Variants in TWF2 observed in about 807,000 individuals in gnomAD.
TWF2 encodes twinfilin actin binding protein 2, also known as twinfilin-2.
In TWF2, 15 loss-of-function variants were observed where a neutral mutation model predicts 45.1. The ratio of observed to expected loss-of-function variants is 0.33; its 90% CI spans 0.22 to 0.51. TWF2 has a LOEUF of 0.51. Ranked by LOEUF, TWF2 falls within the 20% of genes least tolerant of loss-of-function variation. TWF2 has a pLI of 0.97. For synonymous variants in TWF2, 177 were observed against 195.8 expected (o/e 0.90, Z 0.80); for missense variants, 423 against 469.1 (o/e 0.90, Z 0.91).
intron 2 of TWF2, among the ~76,000 whole-genome samples, chr3:52,232,382 G>A (rs907755553): frequency 4.6e-5 from 7 of 151,726 alleles, no homozygotes; most frequent in East Asian, 1.9e-4. Flanking sequence ...ACACACGTGC[G>A]CAGATCACCA....
rs748149583 is a variant in TWF2 at position 52,230,971 on chromosome 3, T to C, written c.508A>G (p.Ser170Gly). Residue 170 changes from serine (S) to glycine (G), a missense_variant, in exon 6 of 9, where the codon AGC (serine) becomes GGC (glycine). Ser to Gly is a moderately conservative substitution (Grantham distance 56). Coordinates refer to ENST00000305533, the MANE Select transcript of TWF2 (RefSeq NM_007284.4). ...NEVKTEISVE[S>G]KHQTLQGLAF... ...AGGCCCTGCAGGGTCTGGTGCTTGC[T>C]TTCCACACTGATCTCTGTCTTCACC... is the stretch of plus-strand genomic sequence containing the variant. 17 of 1,604,594 alleles carry C rather than the reference T, an allele frequency of 1.1e-5. No homozygotes were observed. The highest frequency in any genetic ancestry group is 1.4e-5 in the Non-Finnish European group (16 of 1,175,712).
At chr3:52,230,796 G>A (rs968528038) in intron 6 of TWF2, 74 bp downstream of exon 6, 93 of 1,542,064 alleles carry the variant, frequency 6.0e-5, no homozygotes, top group Middle Eastern at 1.8e-4. Flanking sequence ...GGGACTCCAT[G>A]TACATCTGCA....
chr3:52,230,921 G>A lies in TWF2; in HGVS notation c.558C>T (p.Ala186=), dbSNP rs1373446738. ...QGLAFPLQPE[A]QRALQQLKQK... ...GCTTGAGCTGCTGGAGTGCCCGCTG[G>A]GCCTCAGGCTGCAGGGGGAAGGCGA... Residue 186 remains alanine, a synonymous_variant, in exon 6 of 9, where the codon GCC becomes GCT. Transcript: ENST00000305533. 2 of 1,608,262 alleles carry A rather than the reference G, an allele frequency of 1.2e-6. No individual in the cohort carries two copies. Among genetic ancestry groups the A allele is most frequent in the South Asian group, 2.2e-5 (2 of 90,366 alleles).
chr3:52,232,523 C>T (rs966619930), intron 2 of TWF2, among the ~76,000 whole-genome samples: 1 of 152,134 alleles, frequency 6.6e-6, no homozygotes, highest in Admixed American at 6.5e-5. Flanking sequence ...GCCTCCTGCT[C>T]GCCTCCTCCC....
In TWF2 at chr3:52,229,029, G is replaced by A; in HGVS notation, c.*5C>T. 1 of 1,610,650 alleles carries A rather than the reference G, an allele frequency of 6.2e-7. No homozygotes were observed. Among genetic ancestry groups the A allele is most frequent in the Admixed American group, 1.7e-5 (1 of 59,928 alleles). On this transcript the variant is annotated 3_prime_UTR_variant, in exon 9 of 9. Coordinates refer to ENST00000305533, the MANE Select transcript of TWF2 (RefSeq NM_007284.4). Reference sequence around the variant, plus strand: ...TCCACACGTGGCCGGCCCTGCTCCAGCCTCCTAGCTGTCATCCCCATTTTC... The same window carrying A: ...TCCACACGTGGCCGGCCCTGCTCCAACCTCCTAGCTGTCATCCCCATTTTC...
intron 3 of TWF2, 149 bp from the exon 4 acceptor site, chr3:52,231,688 C>G: frequency 9.7e-7 from 1 of 1,026,226 alleles, no homozygotes; most frequent in Non-Finnish European, 1.4e-6. Flanking sequence ...GCAGGTGGCC[C>G]CCACCAGCAG....
intron 2 of TWF2, 123 bp downstream of exon 2, chr3:52,234,906 C>T (rs2107304268): frequency 5.5e-6 from 6 of 1,091,308 alleles, no homozygotes; most frequent in South Asian, 2.8e-5. Flanking sequence ...TGGCCTCACA[C>T]CCATTTCCAG....
chr3:52,236,552 T>C (rs567195175), intron 1 of TWF2, among the ~76,000 whole-genome samples: 41 of 152,264 alleles, frequency 2.7e-4, no homozygotes, highest in African/African-American at 9.1e-4. Flanking sequence ...GTCAGGGGAA[T>C]TCCGTCAGGA....
intron 6 of TWF2, among the ~76,000 whole-genome samples, chr3:52,230,377 A>C (rs1179717852): frequency 6.6e-6 from 1 of 152,232 alleles, no homozygotes; most frequent in African/African-American, 2.4e-5. Context: ...AGATACTGCC[A>C]CTGGGCCAGC....
At chr3:52,235,575 G>C (rs1452330319) in intron 1 of TWF2, among the ~76,000 whole-genome samples, 1 of 152,110 alleles carries the variant, frequency 6.6e-6, no homozygotes, top group African/African-American at 2.4e-5. Flanking sequence ...GCTCAATCCA[G>C]CATGTGTGAA....
Position 52,232,111 on chromosome 3 carries a change from G to GC in TWF2, c.114dup (p.Leu39AlafsTer16). The GC allele has an allele frequency of 6.3e-7, 1 of 1,591,182 alleles. No individual in the cohort carries two copies. Among genetic ancestry groups the GC allele is most frequent in the Non-Finnish European group, 8.6e-7 (1 of 1,169,012 alleles). On this transcript the variant is annotated frameshift_variant, in exon 3 of 9. Coordinates refer to ENST00000305533, the MANE Select transcript of TWF2 (RefSeq NM_007284.4). LOFTEE classifies it high-confidence loss of function. ...CCTACTGGCTCCTGCGAGGCACCCA[G>GC]CACGAGCTGCTCTGGGGGCAGAGGC...
intron 1 of TWF2, among the ~76,000 whole-genome samples, chr3:52,238,482 C>G (rs573354869): frequency 7.9e-5 from 12 of 152,274 alleles, no homozygotes; most frequent in Admixed American, 3.3e-4. Flanking sequence ...CACTGAGACG[C>G]GCTCCAACTG....
chr3:52,231,830 T>C (rs1026636203), intron 3 of TWF2, 114 bp downstream of exon 3: 2 of 1,448,876 alleles, frequency 1.4e-6, no homozygotes, highest in South Asian at 2.7e-5. Flanking sequence ...TGACAGCTCT[T>C]CCCCCACCCT....
Position 52,239,127 on chromosome 3 carries a change from C to T in TWF2, c.-111G>A, listed in dbSNP as rs905084749. The T allele has an allele frequency of 7.0e-5, 91 of 1,309,018 alleles. No individual in the cohort carries two copies. The highest frequency in any genetic ancestry group is 8.3e-5 in the Non-Finnish European group (83 of 999,748). 81.1% of individuals were successfully genotyped at this position (1,309,018 alleles called of 1,614,324 possible). ...GGATGTGGCGGAGGCTGTCGACCCT[C>T]GCGCAGCTTCCCGGGCGGTGCCGCA... On this transcript the variant is annotated 5_prime_UTR_variant, in exon 1 of 9. Transcript: ENST00000305533.
chr3:52,239,094 G>A lies in TWF2; in HGVS notation c.-78C>T, dbSNP rs537908320. The A allele has an allele frequency of 0.022, 34,040 of 1,527,560 alleles. 439 individuals are homozygous for A. The highest frequency in any genetic ancestry group is 0.026 in the Non-Finnish European group (29,703 of 1,138,618). The allele number at this position is 1,527,560 out of a possible 1,614,324, so 94.6% of individuals were successfully genotyped here. A position where few individuals can be genotyped will look rare whatever the true frequency, so the allele number is the denominator to read the frequency against. ...CCCGGCAACGCTCGCTGGACCAAGA[G>A]AGGTGGAGGATGTGGCGGAGGCTGT... On this transcript the variant is annotated 5_prime_UTR_variant, in exon 1 of 9. Coordinates refer to ENST00000305533, the MANE Select transcript of TWF2 (RefSeq NM_007284.4).
In TWF2 at chr3:52,232,085, G is replaced by A; in HGVS notation, c.141C>T (p.Gly47=). Residue 47 remains glycine (G), a synonymous_variant, in exon 3 of 9, where the codon GGC becomes GGT. Transcript: ENST00000305533. ...CCCTGTCATAGTCCTGATCCCAGCG[G>A]CCTACTGGCTCCTGCGAGGCACCCA... is the stretch of plus-strand genomic sequence containing the variant. ...LVLGASQEPV[G]RWDQDYDRAV... 1 of 1,611,990 alleles carries A rather than the reference G, an allele frequency of 6.2e-7. No individual in the cohort carries two copies. The highest frequency in any genetic ancestry group is 8.5e-7 in the Non-Finnish European group (1 of 1,179,064).
chr3:52,232,556 G>A (rs772153271), intron 2 of TWF2, among the ~76,000 whole-genome samples: 3 of 152,082 alleles, frequency 2.0e-5, no homozygotes, highest in East Asian at 1.9e-4. Flanking sequence ...CAGAAGAACC[G>A]CAGCAGACTC....
rs1699713257 is a variant in TWF2 at position 52,235,099 on chromosome 3, T to C, written c.33A>G (p.Glu11=). ...CCTTGGCAAAGAATTCCTTCAGCTC[T>C]TCCGTGGCTATAAGAACAAGAAACA... MAHQTGIHAT[E]ELKEFFAKAR... The change falls in exon 2 of 9, where the codon GAA becomes GAG. Residue 11 remains glutamate, a synonymous_variant. Coordinates refer to ENST00000305533, the MANE Select transcript of TWF2 (RefSeq NM_007284.4). The C allele has an allele frequency of 6.2e-7, 1 of 1,613,730 alleles. No individual in the cohort carries two copies.
chr3:52,233,900 C>T (rs749005659), intron 2 of TWF2, among the ~76,000 whole-genome samples: 6 of 122,158 alleles, frequency 4.9e-5, no homozygotes, highest in East Asian at 4.5e-4. Context: ...GGTGACAGAG[C>T]GAAACTCCGT....
Sources: allele counts gnomAD v4.1 joint callset (sites outside exome capture counted in the v4.1 genomes callset), GRCh38; gene constraint gnomAD v4.1.1; transcripts MANE v1.5; gene names NCBI Gene and HGNC (gene_info 2026-07-23, HGNC 2026-07-21).